KIF5C: variants seen among roughly 807,000 people sequenced by gnomAD.
KIF5C encodes the protein kinesin family member 5C.
KIF5C carries 18 observed loss-of-function variants against 125.2 expected under a neutral mutation model. The observed-to-expected ratio is 0.14, with a 90% confidence interval of 0.10 to 0.21. The LOEUF is 0.21. Among genes scored for constraint, KIF5C ranks in the 10% least tolerant of loss-of-function variants. The pLI is 1.00. For missense variants in KIF5C, 780 were observed against 1,183.8 expected, an observed-to-expected ratio of 0.66 and a Z score of 5.01; for synonymous variants, 405 against 434.0, an observed-to-expected ratio of 0.93 and a Z score of 0.83.
At chr2:148,921,828 A>C (rs542715040) in intron 1 of KIF5C, among the ~76,000 whole-genome samples, 103 of 152,326 alleles carry the variant, frequency 6.8e-4, no homozygotes, top group Non-Finnish European at 1.1e-3. Flanking sequence ...GCCCAGTGCC[A>C]GGCTCTGTGT....
At chr2:148,879,239 A>T (rs1490108409) in intron 1 of KIF5C, 1 of 152,204 alleles carries the variant, frequency 6.6e-6, no homozygotes, top group Non-Finnish European at 1.5e-5. Context: ...AGAACTGTGC[A>T]TGTTTTGCTC....
intron 1 of KIF5C, among the ~76,000 whole-genome samples, chr2:148,920,281 A>G (rs1325136214): frequency 1.3e-5 from 2 of 152,228 alleles, no homozygotes; most frequent in African/African-American, 2.4e-5. Flanking sequence ...TTTGTTCCAG[A>G]AAGTTCAATT....
Position 148,890,576 on chromosome 2 carries a change from G to GT in KIF5C, c.126+14834dup, listed in dbSNP as rs1426846711. On this transcript the variant is annotated intron_variant, in intron 1 of 25. Coordinates refer to ENST00000435030, the MANE Select transcript of KIF5C (RefSeq NM_004522.3). ...TGTGAGCCACTTTTGAGAGGCCTGAGTATAGAGGAGAGAGCAAGGTTGCTA... is the reference window on the plus strand; with the variant it reads ...TGTGAGCCACTTTTGAGAGGCCTGAGTTATAGAGGAGAGAGCAAGGTTGCTA... Among the ~76,000 whole-genome samples, 24 of 152,324 alleles carry GT rather than the reference G, an allele frequency of 1.6e-4. No individual in the cohort carries two copies. In the East Asian group the frequency reaches 4.4e-3, roughly 28 times the overall value.
At chr2:149,020,712 G>T (rs1401964613) in intron 25 of KIF5C, among the ~76,000 whole-genome samples, 3 of 152,172 alleles carry the variant, frequency 2.0e-5, no homozygotes, top group Admixed American at 6.5e-5. Context: ...CTGACCAGGG[G>T]GATAGCGTGC....
At chr2:148,921,697 T>C (rs1681792094) in intron 1 of KIF5C, among the ~76,000 whole-genome samples, 1 of 152,252 alleles carries the variant, frequency 6.6e-6, no homozygotes, top group Admixed American at 6.5e-5. Context: ...CCCACTGTTT[T>C]AAACCTAGGC....
chr2:148,932,110 G>A (rs1000438128), intron 3 of KIF5C, among the ~76,000 whole-genome samples: 1 of 152,088 alleles, frequency 6.6e-6, no homozygotes, highest in African/African-American at 2.4e-5. Flanking sequence ...TAGATACTGC[G>A]AGAGACCAAG....
At chr2:148,950,105 T>C (rs565564225) in intron 9 of KIF5C, among the ~76,000 whole-genome samples, 162 bp downstream of exon 9, 2 of 152,302 alleles carry the variant, frequency 1.3e-5, no homozygotes, top group South Asian at 4.1e-4. Flanking sequence ...GGAGTTCCCA[T>C]CTACTAAAAA....
intron 10 of KIF5C, among the ~76,000 whole-genome samples, chr2:148,953,760 C>T (rs1323828068): frequency 1.3e-5 from 2 of 152,086 alleles, no homozygotes; most frequent in African/African-American, 4.8e-5. Context: ...GTATGTGTTT[C>T]GAAGCAGTTC....
intron 2 of KIF5C, among the ~76,000 whole-genome samples, chr2:148,925,997 T>C (rs1005578554): frequency 6.6e-6 from 1 of 152,098 alleles, no homozygotes; most frequent in African/African-American, 2.4e-5. Context: ...AGTGGTTTGG[T>C]GACTGGTGAG....
At chr2:148,985,750 C>T (rs1320512316) in intron 15 of KIF5C, among the ~76,000 whole-genome samples, 3 of 152,176 alleles carry the variant, frequency 2.0e-5, no homozygotes, top group African/African-American at 7.2e-5. Flanking sequence ...CTGGAAAATG[C>T]TCCCAAGATC....
chr2:149,017,368 AGAGG>A (rs1682394228), intron 25 of KIF5C, among the ~76,000 whole-genome samples: 1 of 152,128 alleles, frequency 6.6e-6, no homozygotes, highest in Admixed American at 6.5e-5. Flanking sequence ...CAGCTGAGAG[AGAGG>A]GAGGAAGCAG....
At chr2:149,000,846 G>T in intron 21 of KIF5C, 64 bp downstream of exon 21, 2 of 1,598,596 alleles carry the variant, frequency 1.3e-6, no homozygotes, top group East Asian at 2.2e-5. Flanking sequence ...TGATTTGTCG[G>T]ATTATTTCAA....
chr2:148,998,760 G>A (rs1416042370), intron 19 of KIF5C: 4 of 462,866 alleles, frequency 8.6e-6, no homozygotes, highest in Non-Finnish European at 1.5e-5. Flanking sequence ...GAGGGCCAGG[G>A]TCACATAGGT....
At chr2:148,931,592 G>A (rs994471993) in intron 3 of KIF5C, among the ~76,000 whole-genome samples, 1 of 152,228 alleles carries the variant, frequency 6.6e-6, no homozygotes, top group Admixed American at 6.5e-5. Context: ...GAACTGTGGA[G>A]GCGAAGGTTG....
At chr2:148,971,098 C>T (rs1680889583) in intron 11 of KIF5C, among the ~76,000 whole-genome samples, 1 of 152,058 alleles carries the variant, frequency 6.6e-6, no homozygotes, top group Non-Finnish European at 1.5e-5. Context: ...AGTCACAATC[C>T]AAGAAGAGGA....
chr2:148,917,782 CTTGT>C (rs1327338467), intron 1 of KIF5C, among the ~76,000 whole-genome samples: 1 of 152,228 alleles, frequency 6.6e-6, no homozygotes, highest in African/African-American at 2.4e-5. Context: ...TTAGCCTTTG[CTTGT>C]TTCTTTCTTG....
rs754771513 is a variant in KIF5C at position 148,991,164 on chromosome 2, G to A, written c.1871G>A (p.Arg624Gln). Residue 624 changes from arginine to glutamine, a missense_variant, in exon 16 of 26, where the codon CGG becomes CAG. Arg to Gln is a conservative substitution (Grantham distance 43). Coordinates refer to ENST00000435030, the MANE Select transcript of KIF5C (RefSeq NM_004522.3). ...DSNRKMNASE[R>Q]ELAACQLLIS... ...AACAGGAAGATGAATGCCAGCGAGC[G>A]GGAGCTGGCAGCCTGCCAGCTGCTC... 15 of 1,613,704 alleles carry A rather than the reference G, an allele frequency of 9.3e-6. No homozygotes were observed. In the African/African-American group the frequency reaches 9.3e-5, roughly 10 times the overall value.
rs963264775 is a variant in KIF5C, at chr2:148,879,846, T to A, written c.126+4103T>A. The A allele has an allele frequency of 4.6e-5, 7 of 152,324 alleles. No individual in the cohort carries two copies. In the South Asian group the frequency reaches 1.4e-3, roughly 32 times the overall value. 9.4% of individuals were successfully genotyped at this position (152,324 alleles called of 1,614,324 possible). ...CTGAGAAAGCAGGTCTTGTTAAAGATGAGTGCTTCCTCCTGAGGGCCTAAG... is the reference window on the plus strand; with the variant it reads ...CTGAGAAAGCAGGTCTTGTTAAAGAAGAGTGCTTCCTCCTGAGGGCCTAAG... On this transcript the variant is annotated intron_variant, in intron 1 of 25. Transcript: ENST00000435030.
At chr2:148,917,137 A>G (rs1681587261) in intron 1 of KIF5C, among the ~76,000 whole-genome samples, 1 of 151,766 alleles carries the variant, frequency 6.6e-6, no homozygotes, top group Admixed American at 6.6e-5. Flanking sequence ...TGCTTTTTTT[A>G]ATTTTTTATT....
Sources: gnomAD v4.1 joint callset for allele counts (sites outside exome capture counted in the v4.1 genomes callset) on GRCh38, gnomAD v4.1.1 for gene constraint, MANE v1.5 for transcripts, NCBI Gene and HGNC (gene_info 2026-07-23, HGNC 2026-07-21) for gene names.